MARK3: variants seen among roughly 807,000 people sequenced by gnomAD.
MARK3 encodes the protein microtubule affinity regulating kinase 3.
A neutral mutation model predicts 90.1 loss-of-function variants in MARK3; 46 were observed. The observed-to-expected ratio is 0.51, with a 90% CI of 0.40 to 0.65. The LOEUF is 0.65. Ranked by LOEUF, MARK3 falls within the 30% of genes least tolerant of loss-of-function variation. The probability of loss-of-function intolerance (pLI) is 0.00; values close to 1 mark genes in which losing one functional copy is unlikely to be tolerated. For missense variants in MARK3, 818 were observed against 947.2 expected (o/e 0.86, Z 1.79); for synonymous variants, 321 against 332.6 (o/e 0.97, Z 0.38).
At chr14:103,421,860 C>G (rs992595193) in intron 2 of MARK3, among the ~76,000 whole-genome samples, 2 of 152,078 alleles carry the variant, frequency 1.3e-5, no homozygotes, top group Non-Finnish European at 2.9e-5. Context: ...CATCTTTAAC[C>G]AATGTCCTCA....
intron 5 of MARK3, among the ~76,000 whole-genome samples, chr14:103,454,926 G>C (rs924971702): frequency 6.6e-6 from 1 of 152,112 alleles, no homozygotes; most frequent in African/African-American, 2.4e-5. Flanking sequence ...GCCACTCTTT[G>C]CTTCTTGTTT....
chr14:103,468,214 CT>C, intron 12 of MARK3, 28 bp downstream of exon 12: 1 of 1,596,192 alleles, frequency 6.3e-7, no homozygotes, highest in South Asian at 1.1e-5. Flanking sequence ...CCAGTGCCTT[CT>C]CTTAGAGTCC....
chr14:103,495,517 T>C (rs1057013960), intron 15 of MARK3, among the ~76,000 whole-genome samples: 3 of 152,070 alleles, frequency 2.0e-5, no homozygotes, highest in Non-Finnish European at 4.4e-5. Flanking sequence ...CAGGTCTATC[T>C]GACCAGACTC....
At position 103,462,390 on chromosome 14, in the gene MARK3, GTC is replaced by G. The variant is rs541833264; in HGVS notation, c.484-10_484-9del. The G allele has an allele frequency of 2.5e-6, 4 of 1,581,444 alleles. No individual in the cohort carries two copies. The highest frequency in any genetic ancestry group is 3.5e-6 in the Non-Finnish European group (4 of 1,153,560). On this transcript the variant is annotated splice_polypyrimidine_tract_variant and intron_variant, in intron 6 of 17. Coordinates refer to ENST00000429436, the MANE Select transcript of MARK3 (RefSeq NM_001128918.3). Reference sequence around the variant, plus strand: ...CTGCACCAGTGATGACTGACTCTGCGTCTCTCCTATTCAGATTGTGTCTGCAG... The same window carrying G: ...CTGCACCAGTGATGACTGACTCTGCGTCTCCTATTCAGATTGTGTCTGCAG...
intron 13 of MARK3, among the ~76,000 whole-genome samples, chr14:103,477,594 A>G (rs544728779): frequency 7.2e-5 from 11 of 152,294 alleles, no homozygotes; most frequent in African/African-American, 2.4e-4. Context: ...ATGATTAACC[A>G]TTTTAAAGTG....
Position 103,405,158 on chromosome 14 carries a change from C to G in MARK3, c.134C>G (p.Ser45Cys), listed in dbSNP as rs944164023. Residue 45 changes from serine (S) to cysteine (C), a missense_variant, in exon 2 of 18, where the codon TCC becomes TGC. This residue lies in a region of MARK3 where 157 missense variants were observed against 158.7 expected (regional missense o/e 0.99). Transcript: ENST00000429436. The stretch of plus-strand genomic sequence containing the variant: ...GCTCGGTGTAGAAACTCTATAGCCT[C>G]CTGTGCAGATGAACAACCTCACATC... ...SGARCRNSIA[S>C]CADEQPHIGN... 3 of 1,607,898 alleles carry G rather than the reference C, an allele frequency of 1.9e-6. No individual in the cohort carries two copies. The African/African-American group carries it at 4.0e-5, about 22-fold the overall frequency.
At chr14:103,493,736 A>C (rs2075146298) in intron 15 of MARK3, among the ~76,000 whole-genome samples, 1 of 151,042 alleles carries the variant, frequency 6.6e-6, no homozygotes, top group South Asian at 2.1e-4. Context: ...TTAGCCAGGC[A>C]TGGTGGTGGG....
At chr14:103,430,168 C>A (rs968356150) in intron 3 of MARK3, among the ~76,000 whole-genome samples, 1 of 152,060 alleles carries the variant, frequency 6.6e-6, no homozygotes, top group Admixed American at 6.6e-5. Context: ...TGGTATTATT[C>A]AAGTATGAAC....
chr14:103,412,631 T>C lies in MARK3; in HGVS notation c.243+7364T>C, dbSNP rs972517293. On this transcript the variant is annotated intron_variant, in intron 2 of 17. Transcript: ENST00000429436. Reference sequence around the variant, plus strand: ...GGTGCCCGAGAAGCGCTTGTCCTTCTGGGGGTCATAGTTCTTCAAGCTGAT... The same window carrying C: ...GGTGCCCGAGAAGCGCTTGTCCTTCCGGGGGTCATAGTTCTTCAAGCTGAT... 1.8e-5 allele frequency: 19 copies of C among 1,035,246 alleles called. 1 individual carries two copies. The highest frequency in any genetic ancestry group is 2.2e-5 in the Non-Finnish European group (16 of 711,178). 64.1% of individuals were successfully genotyped at this position (1,035,246 alleles called of 1,614,324 possible).
chr14:103,466,404 T>C lies in MARK3; in HGVS notation c.959T>C (p.Val320Ala). 6.2e-7 allele frequency: 1 copy of C among 1,614,002 alleles called. No individual in the cohort carries two copies. Among genetic ancestry groups the C allele is most frequent in the East Asian group, 2.2e-5 (1 of 44,864 alleles). ...GAAGAAGATGAACTCAAACCATTTG[T>C]TGAACCAGAGCTAGACATCTCAGAC... ...GHEEDELKPF[V>A]EPELDISDQK... The change falls in exon 10 of 18, where the codon GTT (valine) becomes GCT (alanine). Residue 320 changes from valine (V) to alanine (A), a missense_variant. Coordinates refer to ENST00000429436, the MANE Select transcript of MARK3 (RefSeq NM_001128918.3).
chr14:103,442,031 T>G (rs952767463), intron 3 of MARK3, among the ~76,000 whole-genome samples: 1 of 152,074 alleles, frequency 6.6e-6, no homozygotes, highest in African/African-American at 2.4e-5. Flanking sequence ...GGCCATTCAT[T>G]AATTACACAG....
intron 2 of MARK3, among the ~76,000 whole-genome samples, chr14:103,427,555 C>G (rs1250579835): frequency 6.7e-6 from 1 of 149,280 alleles, no homozygotes; most frequent in East Asian, 2.0e-4. Flanking sequence ...GCAGCAGTAT[C>G]AGCTGCTTGA....
intron 2 of MARK3, among the ~76,000 whole-genome samples, chr14:103,416,132 A>G (rs905476523): frequency 1.3e-5 from 2 of 152,164 alleles, no homozygotes; most frequent in African/African-American, 2.4e-5. Context: ...CTTAGGTTTT[A>G]TGTGTTACTG....
intron 1 of MARK3, among the ~76,000 whole-genome samples, chr14:103,389,948 A>G (rs1412178783): frequency 7.9e-6 from 1 of 126,984 alleles, no homozygotes; most frequent in Non-Finnish European, 1.6e-5. Flanking sequence ...CGTCTCAAAA[A>G]AAAAAAAAAA....
intron 5 of MARK3, among the ~76,000 whole-genome samples, chr14:103,455,101 A>ATTC (rs2093245811): frequency 2.0e-5 from 3 of 152,226 alleles, no homozygotes; most frequent in African/African-American, 7.2e-5. Flanking sequence ...TGGTTCCACA[A>ATTC]ATCTCTTAAG....
At chr14:103,465,007 G>T (rs888344995) in intron 7 of MARK3, among the ~76,000 whole-genome samples, 1 of 149,812 alleles carries the variant, frequency 6.7e-6, no homozygotes, top group Admixed American at 6.6e-5. Context: ...TTGCTCTGTC[G>T]CCCAGGCTGG....
intron 14 of MARK3, chr14:103,491,375 T>C (rs1361493621): frequency 9.4e-6 from 2 of 211,686 alleles, no homozygotes. Flanking sequence ...ATATCATTTG[T>C]TTACTTCCAA....
intron 12 of MARK3, 74 bp downstream of exon 12, chr14:103,468,260 C>A (rs899798728): frequency 1.7e-6 from 2 of 1,187,096 alleles, no homozygotes; most frequent in African/African-American, 1.6e-5. Context: ...GAAGCATTCT[C>A]TTGCTCAGAG....
chr14:103,481,802 T>C (rs1236857193), intron 14 of MARK3, among the ~76,000 whole-genome samples: 1 of 128,096 alleles, frequency 7.8e-6, no homozygotes, highest in Non-Finnish European at 1.6e-5. Flanking sequence ...AGTCTCACTC[T>C]GTCACCCAGG....
Sources: allele counts gnomAD v4.1 joint callset (sites outside exome capture counted in the v4.1 genomes callset), GRCh38; gene constraint gnomAD v4.1.1; regional missense constraint gnomAD v4.1.1; transcripts MANE v1.5; gene names NCBI Gene and HGNC (gene_info 2026-07-23, HGNC 2026-07-21).